The following NOTCH2 variants were observed in gnomAD, a reference collection of about 807,000 sequenced individuals.
The protein encoded by NOTCH2 is notch receptor 2, also known as neurogenic locus notch homolog protein 2.
Under a neutral mutation model 235.8 loss-of-function variants are expected in NOTCH2, and 29 were observed. The observed-to-expected ratio is 0.12, with a 90% confidence interval of 0.09 to 0.17. The LOEUF (loss-of-function observed/expected upper bound fraction) is 0.17, where lower values mean the gene tolerates loss of function less well. Ranked by LOEUF, NOTCH2 falls within the 10% of genes least tolerant of loss-of-function variation. NOTCH2 has a pLI of 1.00. For missense variants in NOTCH2, 2,285 were observed against 3,150.2 expected, an observed-to-expected ratio of 0.73 and a Z score of 6.57; for synonymous variants, 1,086 against 1,141.5, an observed-to-expected ratio of 0.95 and a Z score of 0.98.
intron 18 of NOTCH2, 77 bp downstream of exon 18, chr1:119,941,449 G>C (rs1650059942): frequency 9.8e-7 from 1 of 1,023,006 alleles, no homozygotes. Flanking sequence ...CACAATTCTA[G>C]CATTGTGCTC....
At chr1:120,048,472 A>C in intron 1 of NOTCH2, among the ~76,000 whole-genome samples, 1 of 102,732 alleles carries the variant, frequency 9.7e-6, no homozygotes, top group Non-Finnish European at 1.8e-5. Context: ...TTTTGGAGAC[A>C]GGATCTTGCT....
At chr1:119,957,862 AC>A (rs1553198545) in intron 12 of NOTCH2, among the ~76,000 whole-genome samples, 1 of 150,434 alleles carries the variant, frequency 6.6e-6, no homozygotes, top group African/African-American at 2.4e-5. Context: ...ACACACACAC[AC>A]ACACACACAC....
chr1:120,066,223 C>T (rs1444097452), intron 1 of NOTCH2, among the ~76,000 whole-genome samples: 2 of 151,922 alleles, frequency 1.3e-5, no homozygotes, highest in Non-Finnish European at 2.9e-5. Flanking sequence ...ACTAAGGTTA[C>T]ATTTGTTATG....
chr1:120,069,650 A>T lies in NOTCH2; in HGVS notation c.-244T>A, dbSNP rs1443054643. The T allele has an allele frequency of 7.3e-7, 1 of 1,373,502 alleles. No homozygotes were observed. The highest frequency in any genetic ancestry group is 9.4e-7 in the Non-Finnish European group (1 of 1,064,052). 85.1% of individuals were successfully genotyped at this position (1,373,502 alleles called of 1,614,324 possible). A position where few individuals can be genotyped will look rare whatever the true frequency, so the allele number is the denominator to read the frequency against. ...TTGGCTGAAACTTTCTCGGGTGTGC[A>T]ACGAAGCAGCCTCGTGTGTCCTTCC... On this transcript the variant is annotated 5_prime_UTR_variant, in exon 1 of 34. Coordinates refer to ENST00000256646, the MANE Select transcript of NOTCH2 (RefSeq NM_024408.4).
At chr1:119,936,628 C>T (rs1363543365) in intron 21 of NOTCH2, among the ~76,000 whole-genome samples, 1 of 152,174 alleles carries the variant, frequency 6.6e-6, no homozygotes, top group South Asian at 2.1e-4. Context: ...CAGAAGCTAT[C>T]GTTGGCTCAT....
At chr1:119,966,559 T>A in intron 8 of NOTCH2, 70 bp from the exon 9 acceptor site, 1 of 1,052,614 alleles carries the variant, frequency 9.5e-7, no homozygotes, top group Non-Finnish European at 1.5e-6. Flanking sequence ...GAAGCACAAA[T>A]TTGCAATGAT....
intron 32 of NOTCH2, 48 bp from the exon 33 acceptor site, chr1:119,917,810 A>AC (rs772245550): frequency 9.2e-7 from 1 of 1,091,580 alleles, no homozygotes; most frequent in African/African-American, 1.5e-5. Context: ...TACTCTTAGT[A>AC]TAAGACACTA....
Position 119,915,557 on chromosome 1 carries a change from G to T in NOTCH2, c.7165C>A (p.Gln2389Lys). 6.2e-7 allele frequency: 1 copy of T among 1,614,066 alleles called. No homozygotes were observed. The highest frequency in any genetic ancestry group is 8.5e-7 in the Non-Finnish European group (1 of 1,180,032). ...GCATTTGAGGAAGCATAACTGTGCTGTGAAGGGGGTGTGGGGTACTTGCCC... is the reference window on the plus strand; with the variant it reads ...GCATTTGAGGAAGCATAACTGTGCTTTGAAGGGGGTGTGGGGTACTTGCCC... ...SVGKYPTPPS[Q>K]HSYASSNAAE... Residue 2389 changes from glutamine to lysine, a missense_variant, in exon 34 of 34, where the codon CAG becomes AAG. Physicochemically the swap from Gln to Lys is moderately conservative, Grantham distance 53. Coordinates refer to ENST00000256646, the MANE Select transcript of NOTCH2 (RefSeq NM_024408.4).
intron 11 of NOTCH2, among the ~76,000 whole-genome samples, chr1:119,961,395 A>G (rs587650919): frequency 1.3e-5 from 2 of 152,298 alleles, no homozygotes; most frequent in South Asian, 4.1e-4. Flanking sequence ...TGATGATCCA[A>G]TGTGACTCCA....
intron 3 of NOTCH2, among the ~76,000 whole-genome samples, chr1:119,999,819 T>G (rs1553204966): frequency 1.3e-5 from 2 of 150,462 alleles, no homozygotes. Context: ...GAGGTGGAGG[T>G]TGCAGTGAGC....
chr1:119,921,870 C>A, intron 28 of NOTCH2, 61 bp from the exon 29 acceptor site: 1 of 1,360,780 alleles, frequency 7.3e-7, no homozygotes, highest in South Asian at 1.2e-5. Flanking sequence ...CAGTGGTTTT[C>A]AACACTTTCC....
intron 3 of NOTCH2, among the ~76,000 whole-genome samples, chr1:120,003,308 G>A (rs371457812): frequency 0.038 from 5,734 of 151,400 alleles, 123 homozygotes; most frequent in South Asian, 0.1. Flanking sequence ...AGCCTATTGT[G>A]GGACCTTGTG....
chr1:119,974,648 C>T (rs181186412), intron 5 of NOTCH2, among the ~76,000 whole-genome samples: 2 of 152,314 alleles, frequency 1.3e-5, no homozygotes, highest in African/African-American at 4.8e-5. Context: ...ATTAAGTTCT[C>T]TCCTGCCTCA....
Position 119,928,964 on chromosome 1 carries a change from A to G in NOTCH2, c.3892+12T>C, listed in dbSNP as rs782636503. 36 of 1,610,626 alleles carry G rather than the reference A, an allele frequency of 2.2e-5. No individual in the cohort carries two copies. The South Asian group carries it at 3.8e-4, about 17-fold the overall frequency. ...CAAGGCAGAGTGGCCAGGAGGCTAG[A>G]GAGCTTCTCACCAGTAAAGGCACTA... is the stretch of plus-strand genomic sequence containing the variant. On this transcript the variant is annotated intron_variant, in intron 23 of 33. Coordinates refer to ENST00000256646, the MANE Select transcript of NOTCH2 (RefSeq NM_024408.4).
At chr1:120,035,712 GTCT>G (rs1382533360) in intron 1 of NOTCH2, among the ~76,000 whole-genome samples, 3 of 104,442 alleles carry the variant, frequency 2.9e-5, no homozygotes, top group African/African-American at 1.2e-4. Flanking sequence ...GCACTACATG[GTCT>G]TCTAGCTCTC....
intron 10 of NOTCH2, 143 bp downstream of exon 10, chr1:119,965,310 T>G (rs1306541339): frequency 6.4e-6 from 5 of 775,980 alleles, no homozygotes; most frequent in Admixed American, 5.3e-5. Flanking sequence ...AGCAAAAAAT[T>G]TGTTAGAAAC....
chr1:119,958,288 T>C (rs1299448815), intron 12 of NOTCH2, among the ~76,000 whole-genome samples: 1 of 152,232 alleles, frequency 6.6e-6, no homozygotes, highest in African/African-American at 2.4e-5. Context: ...GATCTTTCAC[T>C]GAACAGGGAT....
intron 5 of NOTCH2, among the ~76,000 whole-genome samples, chr1:119,975,816 C>T (rs1044662621): frequency 6.6e-6 from 1 of 152,096 alleles, no homozygotes; most frequent in South Asian, 2.1e-4. Context: ...AGCTGTAACA[C>T]GCAGGGACAC....
rs777091426 is a variant in NOTCH2 at position 119,925,513 on chromosome 1, G to C, written c.4303C>G (p.Arg1435Gly). ...CAGGCCTCATCACAGACGCCATCCC[G>C]AGCTTTGTCGGCACAATACTGGCTC... The part of the protein sequence containing the change: ...CLSQYCADKA[R>G]DGVCDEACNS... The change falls in exon 25 of 34, where the codon CGG (arginine) becomes GGG (glycine). Residue 1435 changes from arginine (R) to glycine (G), a missense_variant. Transcript: ENST00000256646. 3 of 1,614,152 alleles carry C rather than the reference G, an allele frequency of 1.9e-6. No individual in the cohort carries two copies. Among genetic ancestry groups the C allele is most frequent in the Non-Finnish European group, 1.7e-6 (2 of 1,180,034 alleles).
Sources: allele counts gnomAD v4.1 joint callset (sites outside exome capture counted in the v4.1 genomes callset), GRCh38; gene constraint gnomAD v4.1.1; transcripts MANE v1.5; gene names NCBI Gene and HGNC (gene_info 2026-07-23, HGNC 2026-07-21).